The following PCDHA7 variants were observed in gnomAD, a reference collection of about 807,000 sequenced individuals.
PCDHA7 encodes protocadherin alpha 7.
Under a neutral mutation model 57.2 loss-of-function variants are expected in PCDHA7, and 37 were observed. The observed-to-expected ratio is 0.65, with a 90% confidence interval of 0.50 to 0.85. The LOEUF (loss-of-function observed/expected upper bound fraction) is 0.85. Among genes scored for constraint, PCDHA7 ranks in the 40% least tolerant of loss-of-function variants. PCDHA7 has a pLI of 0.00. For synonymous variants in PCDHA7, 553 were observed against 558.8 expected, an observed-to-expected ratio of 0.99 and a Z score of 0.15; for missense variants, 1,188 against 1,241.8, an observed-to-expected ratio of 0.96 and a Z score of 0.65.
At chr5:141,000,412 TATATATA>T (rs1563651366) in intron 3 of PCDHA7, among the ~76,000 whole-genome samples, 7 of 102,770 alleles carry the variant, frequency 6.8e-5, no homozygotes, top group African/African-American at 2.7e-4. Context: ...TATATATATA[TATATATA>T]TATTTTTTTT....
chr5:140,854,720 C>G (rs2043201249), intron 1 of PCDHA7: 1 of 149,654 alleles, frequency 6.7e-6, no homozygotes, highest in African/African-American at 2.4e-5. Flanking sequence ...AGACAGAAAA[C>G]TCAAGTTTTT....
chr5:141,004,148 C>T (rs971282591), intron 3 of PCDHA7, among the ~76,000 whole-genome samples: 1 of 152,222 alleles, frequency 6.6e-6, no homozygotes, highest in African/African-American at 2.4e-5. Context: ...AAAGGCATGA[C>T]ATTTTATAGG....
intron 1 of PCDHA7, among the ~76,000 whole-genome samples, chr5:140,936,450 T>C (rs1217629620): frequency 6.6e-6 from 1 of 152,234 alleles, no homozygotes; most frequent in Non-Finnish European, 1.5e-5. Context: ...TAACCACATC[T>C]GTTTAGTGGT....
chr5:140,993,530 AG>A (rs2097570679), intron 3 of PCDHA7, among the ~76,000 whole-genome samples: 7 of 152,044 alleles, frequency 4.6e-5, no homozygotes, highest in African/African-American at 1.7e-4. Context: ...AGACAGAGAG[AG>A]AGAGAGATAG....
At position 140,968,564 on chromosome 5, in the gene PCDHA7, G is replaced by A. The variant is rs565573880; in HGVS notation, c.2356-10385G>A. ...CGAGATGGTGCCTCGAACTGCCCCT[G>A]CTGGCTACCTGGTCACCAAAGTCAT... On this transcript the variant is annotated intron_variant, in intron 1 of 3. Coordinates refer to ENST00000525929, the MANE Select transcript of PCDHA7 (RefSeq NM_018910.3). 3.1e-6 allele frequency: 5 copies of A among 1,614,168 alleles called. No homozygotes were observed. The Admixed American group carries it at 8.3e-5, about 27-fold the overall frequency.
intron 1 of PCDHA7, among the ~76,000 whole-genome samples, chr5:140,902,816 G>A (rs1447534950): frequency 6.6e-6 from 1 of 150,906 alleles, no homozygotes; most frequent in Non-Finnish European, 1.5e-5. Flanking sequence ...TACAATATTT[G>A]GTTTTCGATT....
chr5:140,869,182 G>A (rs2050897144), intron 1 of PCDHA7: 2 of 1,613,976 alleles, frequency 1.2e-6, no homozygotes, highest in East Asian at 2.2e-5. Flanking sequence ...CTGGGAGGTG[G>A]GGAGCGGCCA....
intron 1 of PCDHA7, among the ~76,000 whole-genome samples, chr5:140,846,211 C>T (rs1393164051): frequency 6.7e-6 from 1 of 149,252 alleles, no homozygotes; most frequent in Non-Finnish European, 1.5e-5. Flanking sequence ...GAGATCTTTC[C>T]ATTAATAGTA....
intron 3 of PCDHA7, among the ~76,000 whole-genome samples, chr5:140,999,223 G>A (rs1554256702): frequency 3.3e-5 from 5 of 152,316 alleles, no homozygotes; most frequent in African/African-American, 1.2e-4. Flanking sequence ...TACTACATTT[G>A]AGAATAGGTG....
At chr5:140,858,209 T>A (rs1554151274) in intron 1 of PCDHA7, 1 of 1,593,850 alleles carries the variant, frequency 6.3e-7, no homozygotes, top group Admixed American at 1.7e-5. Context: ...TGCACTGAGG[T>A]GCTCGGCGGC....
intron 1 of PCDHA7, 59 bp downstream of exon 1, chr5:140,836,797 C>T: frequency 7.4e-7 from 1 of 1,343,980 alleles, no homozygotes; most frequent in Non-Finnish European, 1.0e-6. Context: ...AATTGGTCTC[C>T]TTAAATTTTC....
chr5:140,853,135 T>C, intron 1 of PCDHA7: 2 of 687,812 alleles, frequency 2.9e-6, no homozygotes, highest in Non-Finnish European at 3.7e-6. Context: ...CGCCTCAGCC[T>C]CCCAAAATGC....
At chr5:140,905,621 T>C (rs1180191773) in intron 1 of PCDHA7, among the ~76,000 whole-genome samples, 1 of 152,224 alleles carries the variant, frequency 6.6e-6, no homozygotes, top group Non-Finnish European at 1.5e-5. Flanking sequence ...TAGATTGCTT[T>C]TGACAGTATG....
intron 3 of PCDHA7, among the ~76,000 whole-genome samples, chr5:141,007,388 TAAAATAC>T (rs1451350698): frequency 1.5e-5 from 1 of 67,196 alleles, no homozygotes; most frequent in Non-Finnish European, 2.7e-5. Context: ...CCATCTCTAC[TAAAATAC>T]AAAAAAAAAA....
chr5:140,858,511 GTA>G (rs1554151718), intron 1 of PCDHA7: 1 of 1,433,712 alleles, frequency 7.0e-7, no homozygotes, highest in Admixed American at 2.0e-5. Flanking sequence ...TCTCAAATAT[GTA>G]TCAGAATATT....
intron 1 of PCDHA7, among the ~76,000 whole-genome samples, chr5:140,972,152 A>T (rs1481801555): frequency 6.6e-6 from 1 of 151,770 alleles, no homozygotes; most frequent in African/African-American, 2.4e-5. Context: ...TTTTATTTTT[A>T]TTTTTTTGAG....
At chr5:140,963,952 G>T (rs1466185819) in intron 1 of PCDHA7, among the ~76,000 whole-genome samples, 1 of 152,176 alleles carries the variant, frequency 6.6e-6, no homozygotes, top group Non-Finnish European at 1.5e-5. Context: ...TTAGTCACTG[G>T]CAGGAGTGTG....
intron 3 of PCDHA7, among the ~76,000 whole-genome samples, chr5:141,004,397 GA>G (rs2098164833): frequency 6.6e-6 from 1 of 152,188 alleles, no homozygotes; most frequent in African/African-American, 2.4e-5. Context: ...ACATGTGGAG[GA>G]GGCACCTGAC....
At chr5:140,870,097 C>T in intron 1 of PCDHA7, 1 of 1,613,888 alleles carries the variant, frequency 6.2e-7, no homozygotes, top group African/African-American at 1.3e-5. Context: ...AATGGCAGGT[C>T]ACTGTACAGT....
Sources: gnomAD v4.1 joint callset for allele counts (sites outside exome capture counted in the v4.1 genomes callset) on GRCh38, gnomAD v4.1.1 for gene constraint, MANE v1.5 for transcripts, NCBI Gene and HGNC (gene_info 2026-07-23, HGNC 2026-07-21) for gene names.